Variants in COL21A1 observed in about 807,000 individuals in gnomAD.
The protein encoded by COL21A1 is collagen alpha-1(XXI) chain.
In COL21A1, 149 loss-of-function variants were observed where a neutral mutation model predicts 137.9. The observed-to-expected ratio is 1.08, with a 90% CI of 0.95 to 1.24. The LOEUF is 1.24. Ranked by LOEUF, COL21A1 falls within the 50% of genes most tolerant of loss-of-function variation. The pLI is 0.00. For synonymous variants in COL21A1, 456 were observed against 391.5 expected, an observed-to-expected ratio of 1.16 and a Z score of -1.95; for missense variants, 1,167 against 1,158.4, an observed-to-expected ratio of 1.01 and a Z score of -0.11.
At chr6:56,322,715 G>A (rs1212420765) in intron 1 of COL21A1, among the ~76,000 whole-genome samples, 1 of 151,896 alleles carries the variant, frequency 6.6e-6, no homozygotes, top group African/African-American at 2.4e-5. Flanking sequence ...CCATTTGGTT[G>A]ACCCTTATTT....
intron 1 of COL21A1, among the ~76,000 whole-genome samples, chr6:56,307,565 G>A (rs4712126): frequency 0.84 from 128,288 of 152,098 alleles, 56,083 homozygotes; most frequent in South Asian, 0.97. Context: ...TGCTAAGACC[G>A]TTGGAAAAAC....
intron 1 of COL21A1, among the ~76,000 whole-genome samples, chr6:56,328,422 A>G (rs1262839536): frequency 1.3e-5 from 2 of 152,082 alleles, no homozygotes; most frequent in Admixed American, 1.3e-4. Context: ...CCATCACACT[A>G]GTGGTATGGC....
At chr6:56,277,437 C>T (rs1370913753) in intron 1 of COL21A1, among the ~76,000 whole-genome samples, 1 of 152,152 alleles carries the variant, frequency 6.6e-6, no homozygotes, top group East Asian at 1.9e-4. Context: ...AATACTTGAA[C>T]CATTATACAT....
chr6:56,142,659 G>C (rs2152238372), intron 10 of COL21A1, among the ~76,000 whole-genome samples: 1 of 152,300 alleles, frequency 6.6e-6, no homozygotes, highest in South Asian at 2.1e-4. Flanking sequence ...TTAGCACATG[G>C]CAGCTAAAGT....
intron 1 of COL21A1, among the ~76,000 whole-genome samples, chr6:56,213,804 C>T (rs779626718): frequency 1.3e-5 from 2 of 151,946 alleles, no homozygotes; most frequent in Admixed American, 6.6e-5. Context: ...AACCTATTTG[C>T]GCCAGGCATG....
At chr6:56,184,937 G>C (rs1778167281) in intron 1 of COL21A1, among the ~76,000 whole-genome samples, 1 of 152,106 alleles carries the variant, frequency 6.6e-6, no homozygotes. Context: ...ATTTTCAGAA[G>C]TGAAAGTCCT....
At chr6:56,166,545 T>C (rs1776591834) in intron 7 of COL21A1, among the ~76,000 whole-genome samples, 1 of 152,016 alleles carries the variant, frequency 6.6e-6, no homozygotes, top group African/African-American at 2.4e-5. Flanking sequence ...CCAGCTACTC[T>C]GGAGGCTGAG....
At chr6:56,251,635 T>C (rs763633325), upstream of COL21A1, among the ~76,000 whole-genome samples, 5 of 152,212 alleles carry the variant, frequency 3.3e-5, no homozygotes, top group African/African-American at 4.8e-5. Context: ...GGCATACTTT[T>C]TCTAAAACCT....
At chr6:56,262,092 C>T (rs554843682) in intron 1 of COL21A1, among the ~76,000 whole-genome samples, 1 of 152,288 alleles carries the variant, frequency 6.6e-6, no homozygotes, top group Non-Finnish European at 1.5e-5. Flanking sequence ...TTAATGCATT[C>T]GATTTCTCAA....
chr6:56,092,444 A>C (rs535649648), intron 17 of COL21A1, among the ~76,000 whole-genome samples: 1 of 152,306 alleles, frequency 6.6e-6, no homozygotes, highest in African/African-American at 2.4e-5. Context: ...TTACAATATG[A>C]TAACACAGAG....
At chr6:56,297,794 A>T (rs1178031927) in intron 1 of COL21A1, among the ~76,000 whole-genome samples, 3 of 152,138 alleles carry the variant, frequency 2.0e-5, no homozygotes, top group Non-Finnish European at 4.4e-5. Context: ...ATGGCATCTA[A>T]ATGCCATTAT....
At chr6:56,110,889 A>T (rs2152186901) in intron 16 of COL21A1, among the ~76,000 whole-genome samples, 1 of 152,044 alleles carries the variant, frequency 6.6e-6, no homozygotes, top group Non-Finnish European at 1.5e-5. Context: ...TAAGATGGCA[A>T]CTCTCCCCAA....
At chr6:56,379,048 C>G (rs895713110) in intron 1 of COL21A1, among the ~76,000 whole-genome samples, 1 of 152,200 alleles carries the variant, frequency 6.6e-6, no homozygotes, top group Non-Finnish European at 1.5e-5. Context: ...AAAGCAGATA[C>G]AGCTTAGATC....
At chr6:56,199,267 G>A (rs543355847) in intron 1 of COL21A1, among the ~76,000 whole-genome samples, 2 of 151,764 alleles carry the variant, frequency 1.3e-5, no homozygotes, top group African/African-American at 2.4e-5. Flanking sequence ...TGATATAGAT[G>A]CTACCTTCTC....
chr6:56,181,122 T>C (rs1777858890), intron 2 of COL21A1, among the ~76,000 whole-genome samples: 1 of 152,194 alleles, frequency 6.6e-6, no homozygotes, highest in African/African-American at 2.4e-5. Flanking sequence ...TGCCAAAATA[T>C]GGATTTGTCT....
Position 56,125,638 on chromosome 6 carries a change from A to C in COL21A1, c.1597-18T>G, listed in dbSNP as rs1194167049. On this transcript the variant is annotated intron_variant, in intron 13 of 29. Coordinates refer to ENST00000244728, the MANE Select transcript of COL21A1 (RefSeq NM_030820.4). Reference sequence around the variant, plus strand: ...ATTTCACCCTAAAAGACAAAATATAAATAGTGAATATTTAAGAAATATGAA... The same window carrying C: ...ATTTCACCCTAAAAGACAAAATATACATAGTGAATATTTAAGAAATATGAA... 1 of 1,471,960 alleles carries C rather than the reference A, an allele frequency of 6.8e-7. No homozygotes were observed. Among genetic ancestry groups the C allele is most frequent in the Non-Finnish European group, 9.2e-7 (1 of 1,084,446 alleles). The allele number at this position is 1,471,960 out of a possible 1,614,324, so 91.2% of individuals were successfully genotyped here.
rs2206529 is a variant in COL21A1, at chr6:56,382,075, C to A, written c.-39+11896G>T. ...AAAAGCATCCTGTTTGACAAGGGTT[C>A]GATTTTACCACCACTAGGGCAGTAA... On this transcript the variant is annotated intron_variant, in intron 1 of 28. Transcript: ENST00000370819. Among the ~76,000 whole-genome samples the A allele has an allele frequency of 3.4e-3, 518 of 152,260 alleles. 2 individuals are homozygous for A. The highest frequency in any genetic ancestry group is 0.012 in the African/African-American group (494 of 41,546).
rs111927080 is a variant in COL21A1, at chr6:56,362,372, TA to T, written c.-39+31598del. Among the ~76,000 whole-genome samples, 450 of 152,328 alleles carry T rather than the reference TA, an allele frequency of 3.0e-3. 2 individuals are homozygous for T. Among genetic ancestry groups the T allele is most frequent in the African/African-American group, 0.01 (434 of 41,568 alleles). The stretch of plus-strand genomic sequence containing the variant: ...TAAATTTTCTACAATAAGTATGTAT[TA>T]TTTTTTAATTTTAAATAAAATAAGT... On this transcript the variant is annotated intron_variant, in intron 1 of 28. Transcript: ENST00000370819.
chr6:56,177,656 G>A (rs949825874), intron 3 of COL21A1, among the ~76,000 whole-genome samples: 1 of 151,856 alleles, frequency 6.6e-6, no homozygotes, highest in Non-Finnish European at 1.5e-5. Flanking sequence ...TTAGCCGGGC[G>A]TGGTGGGCGC....
Sources: allele counts gnomAD v4.1 joint callset (sites outside exome capture counted in the v4.1 genomes callset), GRCh38; gene constraint gnomAD v4.1.1; transcripts MANE v1.5; gene names NCBI Gene and HGNC (gene_info 2026-07-23, HGNC 2026-07-21).